The following MYT1L variants were observed in gnomAD, a reference collection of about 807,000 sequenced individuals.
MYT1L encodes the protein myelin transcription factor 1-like protein.
Under a neutral mutation model 126.7 loss-of-function variants are expected in MYT1L, and 12 were observed. The ratio of observed to expected loss-of-function variants is 0.09; its 90% CI spans 0.06 to 0.15. The LOEUF is 0.15. Ranked by LOEUF, MYT1L falls within the 10% of genes least tolerant of loss-of-function variation. MYT1L has a pLI of 1.00. For missense variants in MYT1L, 979 were observed against 1,585.2 expected, an observed-to-expected ratio of 0.62 and a Z score of 6.49; for synonymous variants, 541 against 604.2, an observed-to-expected ratio of 0.90 and a Z score of 1.53.
chr2:2,155,819 C>A (rs1230747762), intron 3 of MYT1L, among the ~76,000 whole-genome samples: 1 of 152,168 alleles, frequency 6.6e-6, no homozygotes, highest in South Asian at 2.1e-4. Context: ...GAGCCATCAA[C>A]ATCACTCCTT....
At chr2:2,318,283 T>C (rs1250461754) in intron 1 of MYT1L, among the ~76,000 whole-genome samples, 1 of 152,218 alleles carries the variant, frequency 6.6e-6, no homozygotes, top group Non-Finnish European at 1.5e-5. Context: ...ATTCCACATT[T>C]AATATACATA....
chr2:1,931,236 C>G (rs1053950218), intron 9 of MYT1L, among the ~76,000 whole-genome samples: 3 of 152,202 alleles, frequency 2.0e-5, no homozygotes, highest in Non-Finnish European at 4.4e-5. Context: ...AGCAGACACA[C>G]CTGGAGAGAT....
rs1381861257 is a variant in MYT1L at position 1,791,426 on chromosome 2, C to T, written c.*441G>A. On this transcript the variant is annotated 3_prime_UTR_variant, in exon 25 of 25. Coordinates refer to ENST00000647738, the MANE Select transcript of MYT1L (RefSeq NM_001303052.2). This position sits in a 1 kb window ranked among gnomAD's most constrained non-coding sequence, Gnocchi z 6.0. Reference sequence around the variant, plus strand: ...AGGCAAAATGATAACGTCTAAAAAGCGGCTGCTCAGCCACAACATGATCAT... The same window carrying T: ...AGGCAAAATGATAACGTCTAAAAAGTGGCTGCTCAGCCACAACATGATCAT... 2.2e-5 allele frequency: 8 copies of T among 371,966 alleles called. No homozygotes were observed. In the East Asian group the frequency reaches 2.9e-4, roughly 14 times the overall value. The allele number at this position is 371,966 out of a possible 1,614,324, so 23.0% of individuals were successfully genotyped here. A position where few individuals can be genotyped will look rare whatever the true frequency, so the allele number is the denominator to read the frequency against.
In MYT1L at chr2:2,224,377, C is replaced by T. The variant is rs1320533581; in HGVS notation, c.-420-51389G>A. ...TCCATGGGCTCAGTGTCCCTCAAAA[C>T]TAACATCCCCAAAAAGACCGGAGAG... On this transcript the variant is annotated intron_variant, in intron 2 of 24. Transcript: ENST00000647738. The surrounding 1 kb of genome is among the most constrained non-coding windows in gnomAD (Gnocchi z 4.0). Among the ~76,000 whole-genome samples the T allele has an allele frequency of 2.0e-5, 3 of 152,130 alleles. No individual in the cohort carries two copies. The highest frequency in any genetic ancestry group is 7.2e-5 in the African/African-American group (3 of 41,426).
At chr2:1,956,112 T>C (rs182199308) in intron 8 of MYT1L, among the ~76,000 whole-genome samples, 73 of 152,252 alleles carry the variant, frequency 4.8e-4, no homozygotes, top group Non-Finnish European at 9.0e-4. Context: ...ACCTATGACT[T>C]ATCTACATGT....
intron 3 of MYT1L, among the ~76,000 whole-genome samples, chr2:2,065,290 AT>A (rs2071083321): frequency 6.6e-6 from 1 of 152,226 alleles, no homozygotes; most frequent in Non-Finnish European, 1.5e-5. Flanking sequence ...CAAATCAAAG[AT>A]TAAAAAAATT....
chr2:2,024,967 G>C (rs1340540682), intron 4 of MYT1L, among the ~76,000 whole-genome samples: 1 of 152,254 alleles, frequency 6.6e-6, no homozygotes, highest in Non-Finnish European at 1.5e-5. Context: ...GCCCAGGCCT[G>C]ACTGTCCCAG....
At chr2:2,142,304 C>T (rs931500636) in intron 3 of MYT1L, among the ~76,000 whole-genome samples, 9 of 152,136 alleles carry the variant, frequency 5.9e-5, no homozygotes, top group African/African-American at 1.4e-4. Flanking sequence ...GACAGTGCCG[C>T]GAATTGTCAT....
intron 4 of MYT1L, among the ~76,000 whole-genome samples, chr2:2,017,182 A>G (rs2064506379): frequency 6.6e-6 from 1 of 152,168 alleles, no homozygotes. Flanking sequence ...TAGAGACTCA[A>G]CGCTCCCTGC....
chr2:2,257,459 C>T (rs529151391), intron 2 of MYT1L, among the ~76,000 whole-genome samples: 3 of 152,010 alleles, frequency 2.0e-5, no homozygotes, highest in Non-Finnish European at 2.9e-5. Context: ...GGTTGGATCA[C>T]GAGGTCAAGG....
At chr2:1,937,086 C>T (rs142889525) in intron 9 of MYT1L, among the ~76,000 whole-genome samples, 151 of 152,320 alleles carry the variant, frequency 9.9e-4, no homozygotes, top group African/African-American at 3.4e-3. Context: ...ACAGTGAGGA[C>T]AGAGCCTGAT....
intron 3 of MYT1L, among the ~76,000 whole-genome samples, chr2:2,056,587 T>C (rs981121258): frequency 6.6e-6 from 1 of 152,132 alleles, no homozygotes; most frequent in South Asian, 2.1e-4. Flanking sequence ...AGGTAAGGAG[T>C]GAGTGAGTCA....
chr2:1,906,244 A>G (rs1262637283), intron 13 of MYT1L, among the ~76,000 whole-genome samples: 1 of 152,138 alleles, frequency 6.6e-6, no homozygotes, highest in African/African-American at 2.4e-5. Flanking sequence ...ACACTTTTAC[A>G]TATTTTATGC....
intron 10 of MYT1L, among the ~76,000 whole-genome samples, chr2:1,918,995 C>T (rs2053211888): frequency 6.6e-6 from 1 of 152,132 alleles, no homozygotes; most frequent in African/African-American, 2.4e-5. Context: ...GAAATACTGA[C>T]AATCATAAAC....
rs2075459175 is a variant in MYT1L at position 2,078,506 on chromosome 2, C to A, written c.-303-24383G>T. Among the ~76,000 whole-genome samples the A allele has an allele frequency of 2.6e-5, 4 of 152,206 alleles. No individual in the cohort carries two copies. The South Asian group carries it at 6.2e-4, about 24-fold the overall frequency. The stretch of plus-strand genomic sequence containing the variant: ...TAAAAGCATGAAAAAATATTCCATG[C>A]AAGCAATATCCAAAAGAGAGCTGAA... On this transcript the variant is annotated intron_variant, in intron 3 of 24. Coordinates refer to ENST00000647738, the MANE Select transcript of MYT1L (RefSeq NM_001303052.2).
Position 1,791,660 on chromosome 2 carries a change from G to A in MYT1L, c.*207C>T. ...GGCAGAACACTATGTCAGCTTACAT[G>A]GAAACGTACAAAATGTGGGTGTATT... On this transcript the variant is annotated 3_prime_UTR_variant, in exon 25 of 25. Transcript: ENST00000647738. This position sits in a 1 kb window ranked among gnomAD's most constrained non-coding sequence, Gnocchi z 6.0. 1.9e-6 allele frequency: 1 copy of A among 522,816 alleles called. No individual in the cohort carries two copies. 32.4% of individuals were successfully genotyped at this position (522,816 alleles called of 1,614,324 possible). A position where few individuals can be genotyped will look rare whatever the true frequency, so the allele number is the denominator to read the frequency against.
At chr2:1,876,027 T>C (rs1191784846) in intron 18 of MYT1L, among the ~76,000 whole-genome samples, 2 of 152,178 alleles carry the variant, frequency 1.3e-5, no homozygotes, top group African/African-American at 4.8e-5. Flanking sequence ...TGGAGTACAG[T>C]TCTGTCCACG....
intron 19 of MYT1L, chr2:1,842,885 T>C (rs1484819647): frequency 5.9e-6 from 1 of 168,262 alleles, no homozygotes; most frequent in Non-Finnish European, 1.2e-5. Flanking sequence ...TTCCAGGCGC[T>C]TCCGCTTCCA....
chr2:2,139,702 C>G (rs1392655500), intron 3 of MYT1L, among the ~76,000 whole-genome samples: 3 of 152,016 alleles, frequency 2.0e-5, no homozygotes, highest in African/African-American at 7.2e-5. Flanking sequence ...CGGGAGACGT[C>G]CGCACTGCAC....
Sources: gnomAD v4.1 joint callset for allele counts (sites outside exome capture counted in the v4.1 genomes callset) on GRCh38, gnomAD v4.1.1 for gene constraint, Gnocchi (gnomAD v3.1) non-coding constraint, MANE v1.5 for transcripts, NCBI Gene and HGNC (gene_info 2026-07-23, HGNC 2026-07-21) for gene names.